The following KIAA1671 variants were observed in gnomAD, a reference collection of about 807,000 sequenced individuals.
The protein encoded by KIAA1671 is uncharacterized protein KIAA1671.
Under a neutral mutation model 131.2 loss-of-function variants are expected in KIAA1671, and 52 were observed. The ratio of observed to expected loss-of-function variants is 0.40; its 90% CI spans 0.32 to 0.50. The LOEUF is 0.50. Ranked by LOEUF, KIAA1671 falls within the 20% of genes least tolerant of loss-of-function variation. KIAA1671 has a pLI of 0.73. For missense variants in KIAA1671, 2,360 were observed against 2,364.2 expected (o/e 1.00, Z 0.04); for synonymous variants, 1,003 against 961.6 (o/e 1.04, Z -0.80).
At chr22:25,170,528 G>T (rs1182867938) in intron 6 of KIAA1671, among the ~76,000 whole-genome samples, 1 of 152,268 alleles carries the variant, frequency 6.6e-6, no homozygotes, top group African/African-American at 2.4e-5. Context: ...GGGCCATTGA[G>T]GTGGGGGCCA....
At position 25,197,351 on chromosome 22, in the gene KIAA1671, G is replaced by A. The variant is rs961233168; in HGVS notation, c.*4950G>A. ...CAGAAGAGCAGTTGGAAATCTGGTC[G>A]ACTGCAATAAAACAAGATGACCTTT... On this transcript the variant is annotated 3_prime_UTR_variant, in exon 13 of 13. Coordinates refer to ENST00000358431, the MANE Select transcript of KIAA1671 (RefSeq NM_001145206.2). 4 of 152,206 alleles carry A rather than the reference G, an allele frequency of 2.6e-5. No homozygotes were observed. Among genetic ancestry groups the A allele is most frequent in the Admixed American group, 1.3e-4 (2 of 15,278 alleles). The allele number at this position is 152,206 out of a possible 1,614,324, so 9.4% of individuals were successfully genotyped here.
At position 25,040,543 on chromosome 22, in the gene KIAA1671, A is replaced by G; in HGVS notation, c.3413A>G (p.Asp1138Gly). 6.4e-7 allele frequency: 1 copy of G among 1,551,838 alleles called. No homozygotes were observed. The highest frequency in any genetic ancestry group is 8.7e-7 in the Non-Finnish European group (1 of 1,147,030). Residue 1138 changes from aspartate (D) to glycine (G), a missense_variant, in exon 5 of 13, where the codon GAT becomes GGT. By Grantham distance (94) the Asp-to-Gly change is moderately conservative. Transcript: ENST00000358431. ...TTATGGAGTCATCGGGGATCAGAAGATGGCCCTCGTCCTCAAAGCAATTGG... is the reference window on the plus strand; with the variant it reads ...TTATGGAGTCATCGGGGATCAGAAGGTGGCCCTCGTCCTCAAAGCAATTGG... ...DALWSHRGSE[D>G]GPRPQSNWKE...
Position 25,196,949 on chromosome 22 carries a change from TACACACAC to T in KIAA1671, c.*4554_*4561del, listed in dbSNP as rs375669109. 6.6e-6 allele frequency: 1 copy of T among 151,684 alleles called. No homozygotes were observed. The highest frequency in any genetic ancestry group is 2.4e-5 in the African/African-American group (1 of 41,236). 9.4% of individuals were successfully genotyped at this position (151,684 alleles called of 1,614,324 possible). On this transcript the variant is annotated 3_prime_UTR_variant, in exon 13 of 13. Transcript: ENST00000358431. ...GGCAGGGCGTGGAAATATATATATA[TACACACAC>T]ACACAGAGACACACACACACACAAG... is the stretch of plus-strand genomic sequence containing the variant.
chr22:25,134,502 T>G (rs1932587238), intron 6 of KIAA1671, among the ~76,000 whole-genome samples: 1 of 152,212 alleles, frequency 6.6e-6, no homozygotes, highest in South Asian at 2.1e-4. Context: ...TATCAATTTG[T>G]CAAAACAAAA....
At chr22:25,005,841 G>C (rs1363463341) in intron 1 of KIAA1671, among the ~76,000 whole-genome samples, 1 of 152,112 alleles carries the variant, frequency 6.6e-6, no homozygotes, top group Admixed American at 6.6e-5. Context: ...TTGTGTGCTA[G>C]CTCTGCCTTT....
At chr22:25,051,864 T>C (rs1927550399) in intron 6 of KIAA1671, 1 of 152,298 alleles carries the variant, frequency 6.6e-6, no homozygotes, top group African/African-American at 2.4e-5. Context: ...TGTGCTGTTA[T>C]TTTCCCATTT....
At chr22:25,133,855 G>A (rs1932557890) in intron 6 of KIAA1671, among the ~76,000 whole-genome samples, 1 of 152,146 alleles carries the variant, frequency 6.6e-6, no homozygotes, top group South Asian at 2.1e-4. Context: ...GCCCCTCCTT[G>A]ATTTTTATTG....
chr22:25,159,275 A>G (rs6004453), intron 6 of KIAA1671, among the ~76,000 whole-genome samples: 40,190 of 152,144 alleles, frequency 0.26, 5,400 homozygotes, highest in South Asian at 0.36. Context: ...TGGAGACAGC[A>G]TGTCTCTACC....
intron 6 of KIAA1671, among the ~76,000 whole-genome samples, chr22:25,159,145 G>A (rs1197682419): frequency 6.6e-6 from 1 of 152,106 alleles, no homozygotes; most frequent in Non-Finnish European, 1.5e-5. Flanking sequence ...TGTGTTTATA[G>A]CCTCCAAGGA....
chr22:25,000,732 G>C (rs1448157397), intron 1 of KIAA1671, among the ~76,000 whole-genome samples: 3 of 150,962 alleles, frequency 2.0e-5, no homozygotes, highest in African/African-American at 7.3e-5. Context: ...GGCCGGGCTG[G>C]TCTTGAACTC....
chr22:25,173,843 T>TGGAAATCCAGTGTGTAAGGTATA (rs376879170), intron 7 of KIAA1671, among the ~76,000 whole-genome samples: 2 of 152,212 alleles, frequency 1.3e-5, no homozygotes, highest in Admixed American at 6.5e-5. Flanking sequence ...TTCAAAGTAT[T>TGGAAATCCAGTGTGTAAGGTATA]GGAAATCCAG....
intron 4 of KIAA1671, among the ~76,000 whole-genome samples, chr22:25,033,574 GTTTTTTT>G (rs71191019): frequency 1.5e-4 from 9 of 58,422 alleles, no homozygotes; most frequent in Admixed American, 2.9e-4. Flanking sequence ...GTTTGTTTTC[GTTTTTTT>G]TTTTTTTTTT....
chr22:25,028,553 C>T lies in KIAA1671; in HGVS notation c.554C>T (p.Pro185Leu). 1 of 1,550,022 alleles carries T rather than the reference C, an allele frequency of 6.5e-7. No individual in the cohort carries two copies. The highest frequency in any genetic ancestry group is 8.7e-7 in the Non-Finnish European group (1 of 1,146,382). ...RPEVAAKPAL[P>L]TQKPAGTLPR... ...GAGGTGGCTGCCAAGCCCGCCCTGC[C>T]CACCCAGAAGCCTGCGGGGACCCTT... The change falls in exon 3 of 13, where the codon CCC becomes CTC. Residue 185 changes from proline (P) to leucine (L), a missense_variant. This residue lies in a region of KIAA1671 where 1,185 missense variants were observed against 1,126.2 expected (regional missense o/e 1.05). Coordinates refer to ENST00000358431, the MANE Select transcript of KIAA1671 (RefSeq NM_001145206.2).
At position 25,180,552 on chromosome 22, in the gene KIAA1671, G is replaced by A. The variant is rs143000317; in HGVS notation, c.5075-1147G>A. Among the ~76,000 whole-genome samples, 216 of 151,842 alleles carry A rather than the reference G, an allele frequency of 1.4e-3. 4 individuals are homozygous for A. In the East Asian group the frequency reaches 0.035, roughly 25 times the overall value. ...ACTCTGTCTCAAAAAAAAAAAAGAA[G>A]AAAAAATTTCTTCTTGCAATGGAAA... On this transcript the variant is annotated intron_variant, in intron 9 of 12. Coordinates refer to ENST00000358431, the MANE Select transcript of KIAA1671 (RefSeq NM_001145206.2).
chr22:24,978,155 T>C (rs535353376), intron 1 of KIAA1671, among the ~76,000 whole-genome samples: 2 of 152,292 alleles, frequency 1.3e-5, no homozygotes, highest in Non-Finnish European at 2.9e-5. Context: ...TCATCTTGAA[T>C]TGTACTCCTA....
chr22:25,047,475 T>TC (rs1293806803), intron 5 of KIAA1671, among the ~76,000 whole-genome samples: 12,950 of 147,834 alleles, frequency 0.088, 1,931 homozygotes, highest in African/African-American at 0.3. Flanking sequence ...TCCTTTTTTT[T>TC]TTTTTTTTTT....
rs939607556 is a variant in KIAA1671, at chr22:25,028,450, A to G, written c.451A>G (p.Lys151Glu). 1.4e-5 allele frequency: 22 copies of G among 1,550,628 alleles called. No homozygotes were observed. The Middle Eastern group carries it at 1.5e-3, about 106-fold the overall frequency. Residue 151 changes from lysine (K) to glutamate (E), a missense_variant, in exon 3 of 13, where the codon AAA becomes GAA. Around this residue, in one of 3 missense-constraint regions of KIAA1671, gnomAD observed 1,185 missense variants for 1,126.2 expected, o/e 1.05. Coordinates refer to ENST00000358431, the MANE Select transcript of KIAA1671 (RefSeq NM_001145206.2). ...SSTMILFETT[K>E]SGPALGKAVS... is the part of the protein sequence containing the mutation. ...CACCATGATTCTCTTCGAAACCACCAAAAGCGGCCCCGCTCTGGGGAAGGC... is the reference window on the plus strand; with the variant it reads ...CACCATGATTCTCTTCGAAACCACCGAAAGCGGCCCCGCTCTGGGGAAGGC...
intron 1 of KIAA1671, among the ~76,000 whole-genome samples, chr22:24,969,851 A>G (rs1447198620): frequency 1.3e-5 from 2 of 152,262 alleles, no homozygotes; most frequent in East Asian, 3.9e-4. Flanking sequence ...CTGGGTTGCT[A>G]TGAGGATTAA....
At chr22:25,021,585 A>G (rs924491568) in intron 1 of KIAA1671, among the ~76,000 whole-genome samples, 1 of 150,554 alleles carries the variant, frequency 6.6e-6, no homozygotes, top group Non-Finnish European at 1.5e-5. Context: ...AGCCTGGTAC[A>G]TAGATGCTTG....
Sources: gnomAD v4.1 joint callset for allele counts (sites outside exome capture counted in the v4.1 genomes callset) on GRCh38, gnomAD v4.1.1 for gene constraint, gnomAD v4.1.1 regional missense constraint, MANE v1.5 for transcripts, NCBI Gene and HGNC (gene_info 2026-07-23, HGNC 2026-07-21) for gene names.